Variants in MAPK8 observed in about 807,000 individuals in gnomAD.
The protein encoded by MAPK8 is JUN N-terminal kinase.
In MAPK8, 13 loss-of-function variants were observed where a neutral mutation model predicts 52.9. That is an observed-to-expected ratio of 0.25 (90% confidence interval 0.16 to 0.39). The LOEUF is 0.39. Among genes scored for constraint, MAPK8 ranks in the 10% least tolerant of loss-of-function variants. MAPK8 has a pLI of 1.00. For synonymous variants in MAPK8, 191 were observed against 169.8 expected (o/e 1.12, Z -0.97); for missense variants, 300 against 519.2 (o/e 0.58, Z 4.10).
At chr10:48,378,974 A>G (rs926586014) in intron 1 of MAPK8, among the ~76,000 whole-genome samples, 4 of 152,174 alleles carry the variant, frequency 2.6e-5, no homozygotes, top group African/African-American at 9.7e-5. Context: ...TATTTGCAAA[A>G]AAAGTTTTAG....
intron 3 of MAPK8, 140 bp downstream of exon 3, chr10:48,405,121 A>ATC (rs67126940): frequency 7.4e-6 from 2 of 270,242 alleles, no homozygotes; most frequent in East Asian, 6.7e-5. Flanking sequence ...ATATATATAT[A>ATC]TATATATCTA....
chr10:48,373,169 T>C (rs1230734181), intron 1 of MAPK8, among the ~76,000 whole-genome samples: 1 of 152,084 alleles, frequency 6.6e-6, no homozygotes, highest in Non-Finnish European at 1.5e-5. Context: ...TAAAATCCTT[T>C]ACAGACAAGC....
chr10:48,351,986 G>T (rs1846382390), intron 1 of MAPK8, among the ~76,000 whole-genome samples: 2 of 152,136 alleles, frequency 1.3e-5, no homozygotes, highest in African/African-American at 4.8e-5. Flanking sequence ...CCACTCTGGA[G>T]CCTGTGGACA....
At chr10:48,365,958 G>C (rs1847989612) in intron 1 of MAPK8, among the ~76,000 whole-genome samples, 1 of 151,966 alleles carries the variant, frequency 6.6e-6, no homozygotes, top group Non-Finnish European at 1.5e-5. Flanking sequence ...TAATTTACTG[G>C]GTAGCATGTT....
At chr10:48,349,751 G>T (rs1038661405) in intron 1 of MAPK8, among the ~76,000 whole-genome samples, 4 of 152,062 alleles carry the variant, frequency 2.6e-5, no homozygotes, top group African/African-American at 9.7e-5. Flanking sequence ...GCTAGCAGAA[G>T]ACAAGAAATA....
At chr10:48,356,254 C>T (rs1334985988) in intron 1 of MAPK8, among the ~76,000 whole-genome samples, 1 of 152,092 alleles carries the variant, frequency 6.6e-6, no homozygotes, top group Non-Finnish European at 1.5e-5. Context: ...AATGGAGTTT[C>T]TGTAAGGTAC....
chr10:48,406,778 T>C (rs1045879968), intron 3 of MAPK8, among the ~76,000 whole-genome samples: 2 of 152,218 alleles, frequency 1.3e-5, no homozygotes, highest in Non-Finnish European at 2.9e-5. Flanking sequence ...AGTTTCTTTT[T>C]TAATCTTGGC....
chr10:48,435,044 G>A lies in MAPK8; in HGVS notation c.*15G>A, dbSNP rs531537127. ...GCTGTAGATGACTACTTGGGCCATC[G>A]GGGGGTGGGAGGGATGGGGAGTCGG... On this transcript the variant is annotated 3_prime_UTR_variant, in exon 12 of 12. Transcript: ENST00000374189. 2.5e-5 allele frequency: 38 copies of A among 1,519,158 alleles called. 2 individuals carry two copies. The South Asian group carries it at 4.4e-4, about 18-fold the overall frequency. The allele number at this position is 1,519,158 out of a possible 1,614,324, so 94.1% of individuals were successfully genotyped here.
chr10:48,391,869 A>G (rs1279137891), intron 1 of MAPK8, among the ~76,000 whole-genome samples: 1 of 152,190 alleles, frequency 6.6e-6, no homozygotes, highest in Non-Finnish European at 1.5e-5. Flanking sequence ...CACCTTTACC[A>G]GTTTATTATA....
At chr10:48,413,815 TTATATATATATATA>T (rs59042608) in intron 5 of MAPK8, among the ~76,000 whole-genome samples, 3,473 of 48,414 alleles carry the variant, frequency 0.072, 199 homozygotes, top group Non-Finnish European at 0.11. Flanking sequence ...GCCAGAATTG[TTATATATATATATA>T]TATATATATA....
intron 10 of MAPK8, among the ~76,000 whole-genome samples, chr10:48,428,648 A>C (rs2043877665): frequency 6.6e-6 from 1 of 152,236 alleles, no homozygotes; most frequent in African/African-American, 2.4e-5. Context: ...AAATGATAAA[A>C]TTGGATAGAG....
At chr10:48,429,883 G>A (rs1402604310) in intron 10 of MAPK8, 2 of 152,094 alleles carry the variant, frequency 1.3e-5, no homozygotes, top group Admixed American at 6.5e-5. Context: ...CTTGAAATTC[G>A]ATGCAATATT....
chr10:48,335,153 A>C (rs976286798), intron 1 of MAPK8, among the ~76,000 whole-genome samples: 4 of 152,176 alleles, frequency 2.6e-5, no homozygotes, highest in African/African-American at 9.7e-5. Context: ...TGCCTTGAAA[A>C]TGGATCATTT....
chr10:48,425,849 A>G, intron 7 of MAPK8, 39 bp from the exon 8 acceptor site: 4 of 1,290,918 alleles, frequency 3.1e-6, no homozygotes, highest in Non-Finnish European at 3.3e-6. Context: ...TGTATTGAAC[A>G]TTAGTTATGG....
chr10:48,326,549 A>C lies in MAPK8; in HGVS notation c.-50+19728A>C, dbSNP rs552332700. Among the ~76,000 whole-genome samples, 61 of 152,288 alleles carry C rather than the reference A, an allele frequency of 4.0e-4. 2 individuals carry two copies. In the South Asian group the frequency reaches 0.012, roughly 31 times the overall value. On this transcript the variant is annotated intron_variant, in intron 1 of 11. Coordinates refer to ENST00000374189, the MANE Select transcript of MAPK8 (RefSeq NM_001323329.2). ...CAAAGATCTAGGTGCCCTTGTTGCTACTGGGATGTTGTGTTTTAGGTACTC... is the reference window on the plus strand; with the variant it reads ...CAAAGATCTAGGTGCCCTTGTTGCTCCTGGGATGTTGTGTTTTAGGTACTC...
At chr10:48,408,215 G>A (rs1337956434) in intron 3 of MAPK8, among the ~76,000 whole-genome samples, 2 of 152,192 alleles carry the variant, frequency 1.3e-5, no homozygotes, top group African/African-American at 4.8e-5. Context: ...GGCAGTAAAA[G>A]TGATTAAGAC....
intron 2 of MAPK8, among the ~76,000 whole-genome samples, chr10:48,403,022 A>G (rs774175473): frequency 4.6e-5 from 7 of 152,216 alleles, no homozygotes; most frequent in Non-Finnish European, 8.8e-5. Context: ...TAAAATATGC[A>G]AAGCAGTACC....
chr10:48,348,459 G>A (rs1258543804), intron 1 of MAPK8, among the ~76,000 whole-genome samples: 2 of 152,096 alleles, frequency 1.3e-5, no homozygotes, highest in East Asian at 3.8e-4. Context: ...TGAAATCTTT[G>A]CCCATGCCTA....
At chr10:48,385,418 A>G (rs1000981416) in intron 1 of MAPK8, among the ~76,000 whole-genome samples, 14 of 152,304 alleles carry the variant, frequency 9.2e-5, no homozygotes, top group African/African-American at 2.9e-4. Context: ...TTATGTTTAA[A>G]TTGCCTTCAA....
Sources: gnomAD v4.1 joint callset for allele counts (sites outside exome capture counted in the v4.1 genomes callset) on GRCh38, gnomAD v4.1.1 for gene constraint, MANE v1.5 for transcripts, NCBI Gene and HGNC (gene_info 2026-07-23, HGNC 2026-07-21) for gene names.